The following PIGQ variants were observed in gnomAD, a reference collection of about 807,000 sequenced individuals.
PIGQ encodes the protein phosphatidylinositol N-acetylglucosaminyltransferase subunit Q.
In PIGQ, 54 loss-of-function variants were observed where a neutral mutation model predicts 60.3. The observed-to-expected ratio is 0.90, with a 90% CI of 0.72 to 1.12. PIGQ has a LOEUF of 1.12. Among genes scored for constraint, PIGQ ranks in the 50% most tolerant of loss-of-function variants. The pLI is 0.00. For missense variants in PIGQ, 799 were observed against 793.5 expected (o/e 1.01, Z -0.08); for synonymous variants, 416 against 363.7 (o/e 1.14, Z -1.64).
Position 574,197 on chromosome 16 carries a change from C to A in PIGQ, c.123C>A (p.Ile41=), listed in dbSNP as rs373521704. 1 of 1,612,432 alleles carries A rather than the reference C, an allele frequency of 6.2e-7. No individual in the cohort carries two copies. The highest frequency in any genetic ancestry group is 8.5e-7 in the Non-Finnish European group (1 of 1,179,812). ...TGGCGGTCCTGCACTTTCCCTTCAT[C>A]CCCATCCAGGTCAAGCAGCTCCTGG... ...VVLAVLHFPF[I]PIQVKQLLAQ... is the part of the protein sequence containing the mutation. Residue 41 remains isoleucine, a synonymous_variant, in exon 2 of 11, where the codon ATC becomes ATA. Coordinates refer to ENST00000321878, the MANE Select transcript of PIGQ (RefSeq NM_004204.5).
rs527719356 is a variant in PIGQ, at chr16:581,375, G to A, written c.1531+403G>A. On this transcript the variant is annotated intron_variant, in intron 9 of 10. Coordinates refer to ENST00000321878, the MANE Select transcript of PIGQ (RefSeq NM_004204.5). ...CCCGTCCGCTGTGCCGGAAAACCCC[G>A]TCCACTCAACAGCACAGCCTGCGCC... The A allele has an allele frequency of 8.1e-5, 96 of 1,178,384 alleles. No homozygotes were observed. In the Admixed American group the frequency reaches 1.7e-3, roughly 20 times the overall value. The allele number at this position is 1,178,384 out of a possible 1,614,324, so 73.0% of individuals were successfully genotyped here. A position where few individuals can be genotyped will look rare whatever the true frequency, so the allele number is the denominator to read the frequency against.
In PIGQ at chr16:583,549, C is replaced by T; in HGVS notation, c.*514C>T. 2 of 1,612,468 alleles carry T rather than the reference C, an allele frequency of 1.2e-6. No homozygotes were observed. Among genetic ancestry groups the T allele is most frequent in the East Asian group, 2.2e-5 (1 of 44,866 alleles). On this transcript the variant is annotated 3_prime_UTR_variant, in exon 11 of 11. Coordinates refer to ENST00000321878, the MANE Select transcript of PIGQ (RefSeq NM_004204.5). ...TCTGGGGGATTGAAGCAGTCGCTGA[C>T]CCCCGTCCCCAGCGGGCCCGGGCCC...
intron 4 of PIGQ, chr16:576,742 C>G (rs2035725765): frequency 2.5e-6 from 1 of 406,128 alleles, no homozygotes; most frequent in Non-Finnish European, 4.4e-6. Context: ...CCATCTCCCA[C>G]CTTCCCTGCA....
chr16:579,757 C>T (rs2035782722), intron 7 of PIGQ: 1 of 48,866 alleles, frequency 2.0e-5, no homozygotes, highest in African/African-American at 9.0e-5. Context: ...TGCCCCGGGC[C>T]CGGAGACTAG....
At chr16:571,038 CGTGTGTGTGT>C (rs1176149269) in intron 1 of PIGQ, among the ~76,000 whole-genome samples, 1 of 85,220 alleles carries the variant, frequency 1.2e-5, no homozygotes, top group African/African-American at 4.3e-5. Context: ...GCCTGGCGCC[CGTGTGTGTGT>C]GTGTGTGTGT....
rs1371249981 is a variant in PIGQ, at chr16:580,975, A to T, written c.1531+3A>T. ...CTGCCGGCCCTACAGGCTGGCGGGT[A>T]AGTGCTGCGTATTGGGCAGCTGGCC... On this transcript the variant is annotated splice_donor_region_variant and intron_variant, in intron 9 of 10. Coordinates refer to ENST00000321878, the MANE Select transcript of PIGQ (RefSeq NM_004204.5). The T allele has an allele frequency of 6.3e-7, 1 of 1,588,730 alleles. No individual in the cohort carries two copies. Among genetic ancestry groups the T allele is most frequent in the Non-Finnish European group, 8.6e-7 (1 of 1,158,960 alleles).
rs1285395204 is a variant in PIGQ, at chr16:576,062, G to T, written c.822-72G>T. 4 of 1,544,230 alleles carry T rather than the reference G, an allele frequency of 2.6e-6. No individual in the cohort carries two copies. In the South Asian group the frequency reaches 4.8e-5, roughly 18 times the overall value. ...TGCACCACGCTGACCCCTCCGGCCA[G>T]GCAGGCCTCCTCCTGCGGCCCCAGG... On this transcript the variant is annotated intron_variant, in intron 3 of 10. Transcript: ENST00000321878.
In PIGQ at chr16:579,447, A is replaced by G. The variant is rs34523874; in HGVS notation, c.1335+267A>G. On this transcript the variant is annotated intron_variant, in intron 7 of 10. Coordinates refer to ENST00000321878, the MANE Select transcript of PIGQ (RefSeq NM_004204.5). ...CAGGCCCTAGAGGTGCCCCGGGCCCAGAGACTAGAGATGCCCCGGGCCCGG... is the reference window on the plus strand; with the variant it reads ...CAGGCCCTAGAGGTGCCCCGGGCCCGGAGACTAGAGATGCCCCGGGCCCGG... 29,709 of 269,576 alleles carry G rather than the reference A, an allele frequency of 0.11. 3,091 individuals are homozygous for G. Among genetic ancestry groups the G allele is most frequent in the East Asian group, 0.4 (3,097 of 7,678 alleles). 16.7% of individuals were successfully genotyped at this position (269,576 alleles called of 1,614,324 possible).
At chr16:576,504 G>A in intron 4 of PIGQ, 1 of 576,762 alleles carries the variant, frequency 1.7e-6, no homozygotes, top group South Asian at 2.2e-5. Flanking sequence ...GCCGGGCTGA[G>A]GCTCTGGGGA....
rs1229740428 is a variant in PIGQ, at chr16:574,690, AG to A, written c.618del (p.Arg206SerfsTer54). The A allele has an allele frequency of 4.4e-6, 7 of 1,603,010 alleles. No individual in the cohort carries two copies. Among genetic ancestry groups the A allele is most frequent in the African/African-American group, 1.3e-5 (1 of 74,824 alleles). On this transcript the variant is annotated frameshift_variant, in exon 2 of 11. Transcript: ENST00000321878. LOFTEE classifies it high-confidence loss of function. The part of the protein sequence containing the change: ...VEASILAELA[R>X]RASGPICLLL... Reference sequence around the variant, plus strand: ...GGCCAGCATCCTCGCGGAGCTGGCCAGGCGAGCCTCGGGACCCATTTGCCTG... The same window carrying A: ...GGCCAGCATCCTCGCGGAGCTGGCCAGCGAGCCTCGGGACCCATTTGCCTG...
chr16:571,415 CTGTG>C lies in PIGQ; in HGVS notation c.-10+1325_-10+1328del, dbSNP rs1396458695. Among the ~76,000 whole-genome samples, 7 of 32,306 alleles carry C rather than the reference CTGTG, an allele frequency of 2.2e-4. No homozygotes were observed. The South Asian group carries it at 7.0e-3, about 32-fold the overall frequency. 21.2% of individuals were successfully genotyped at this position (32,306 alleles called of 152,430 possible). ...GCCCGTGTGTGTGTGTCTGGCTAGCCTGTGTGTGTCTGGTTAGCCTGTGTGTGTG... is the reference window on the plus strand; with the variant it reads ...GCCCGTGTGTGTGTGTCTGGCTAGCCTGTGTCTGGTTAGCCTGTGTGTGTG... On this transcript the variant is annotated intron_variant, in intron 1 of 10. Coordinates refer to ENST00000321878, the MANE Select transcript of PIGQ (RefSeq NM_004204.5).
At chr16:579,001 G>A in intron 6 of PIGQ, 63 bp downstream of exon 6, 1 of 1,523,130 alleles carries the variant, frequency 6.6e-7, no homozygotes, top group Admixed American at 1.8e-5. Flanking sequence ...GGCTGGGCGG[G>A]CGTTCGAGTG....
chr16:574,785 G>A lies in PIGQ; in HGVS notation c.689+22G>A, dbSNP rs373228594. ...GCCGGTAGGTGTCCCGGGACAGGCA[G>A]GTGGCAAAGAGTGGGGTCCCATGAG... On this transcript the variant is annotated intron_variant, in intron 2 of 10. Coordinates refer to ENST00000321878, the MANE Select transcript of PIGQ (RefSeq NM_004204.5). 117 of 1,515,998 alleles carry A rather than the reference G, an allele frequency of 7.7e-5. No homozygotes were observed. The African/African-American group carries it at 1.4e-3, about 19-fold the overall frequency. The allele number at this position is 1,515,998 out of a possible 1,614,324, so 93.9% of individuals were successfully genotyped here.
At chr16:577,645 C>T (rs1315843568) in intron 4 of PIGQ, among the ~76,000 whole-genome samples, 1 of 152,136 alleles carries the variant, frequency 6.6e-6, no homozygotes, top group Non-Finnish European at 1.5e-5. Context: ...AGGCCTTGGC[C>T]CAGGCTTGGA....
At chr16:576,031 C>A in intron 3 of PIGQ, 61 bp downstream of exon 3, 1 of 1,549,998 alleles carries the variant, frequency 6.5e-7, no homozygotes, top group Non-Finnish European at 8.7e-7. Context: ...CTTCTCCATC[C>A]CCCTCTGCAC....
intron 4 of PIGQ, among the ~76,000 whole-genome samples, chr16:577,424 A>T (rs928300827): frequency 2.3e-3 from 356 of 152,118 alleles, no homozygotes; most frequent in Non-Finnish European, 4.4e-3. Flanking sequence ...AAAAATACAA[A>T]AAATTAGCCA....
At chr16:571,341 C>CGT (rs3074438) in intron 1 of PIGQ, among the ~76,000 whole-genome samples, 6,931 of 13,528 alleles carry the variant, frequency 0.51, 2,168 homozygotes, top group East Asian at 0.68. Context: ...GCCTGGTGCC[C>CGT]GTGTGTGTGT....
chr16:583,154 T>G lies in PIGQ; in HGVS notation c.*119T>G. 1 of 1,613,354 alleles carries G rather than the reference T, an allele frequency of 6.2e-7. No homozygotes were observed. The highest frequency in any genetic ancestry group is 8.5e-7 in the Non-Finnish European group (1 of 1,179,988). On this transcript the variant is annotated 3_prime_UTR_variant, in exon 11 of 11. Transcript: ENST00000321878. The stretch of plus-strand genomic sequence containing the variant: ...CTTTGTGGACGCTGCTGTGTGCTCC[T>G]GAACACGGCAGGCCCTGCTATCACA...
chr16:582,436 G>A (rs1321714771), intron 10 of PIGQ, 127 bp downstream of exon 10: 8 of 698,162 alleles, frequency 1.1e-5, no homozygotes, highest in Non-Finnish European at 1.9e-5. Context: ...GGGCCCAGTG[G>A]AGCTGAGGGG....
Sources: gnomAD v4.1 joint callset for allele counts (sites outside exome capture counted in the v4.1 genomes callset) on GRCh38, gnomAD v4.1.1 for gene constraint, MANE v1.5 for transcripts, NCBI Gene and HGNC (gene_info 2026-07-23, HGNC 2026-07-21) for gene names.